POSTN: variants seen among roughly 807,000 people sequenced by gnomAD.
The protein encoded by POSTN is periostin, also known as osteoblast specific factor 2 (fasciclin I-like).
POSTN carries 71 observed loss-of-function variants against 104.5 expected under a neutral mutation model. That is an observed-to-expected ratio of 0.68 (90% CI 0.56 to 0.83). POSTN has a LOEUF of 0.83. Ranked by LOEUF, POSTN falls within the 40% of genes least tolerant of loss-of-function variation. The pLI, the probability that POSTN is intolerant of heterozygous loss-of-function variation, is 0.00. For synonymous variants in POSTN, 355 were observed against 340.7 expected (o/e 1.04, Z -0.46); for missense variants, 949 against 1,006.8 (o/e 0.94, Z 0.78).
chr13:37,574,671 G>A lies in POSTN; in HGVS notation c.2009-19C>T, dbSNP rs1220016000. Reference sequence around the variant, plus strand: ...TTAGTTGCTGAAAGTATAGAAAGTGGAACATGAAAAATATTTACATAAAAA... The same window carrying A: ...TTAGTTGCTGAAAGTATAGAAAGTGAAACATGAAAAATATTTACATAAAAA... On this transcript the variant is annotated intron_variant, in intron 16 of 22. Coordinates refer to ENST00000379747, the MANE Select transcript of POSTN (RefSeq NM_006475.3). 1.3e-6 allele frequency: 2 copies of A among 1,558,838 alleles called. No homozygotes were observed. Among genetic ancestry groups the A allele is most frequent in the Admixed American group, 2.2e-5 (1 of 46,246 alleles).
At position 37,580,549 on chromosome 13, in the gene POSTN, T is replaced by G. The variant is rs775444835; in HGVS notation, c.1529+12A>C. ...CTCTCATTCTCTGTGGAGGTGCCAC[T>G]AATAGGCTTACCTAAAGCGCTTATC... On this transcript the variant is annotated intron_variant, in intron 11 of 22. Transcript: ENST00000379747. 22 of 1,613,990 alleles carry G rather than the reference T, an allele frequency of 1.4e-5. No homozygotes were observed. In the Admixed American group the frequency reaches 3.5e-4, roughly 26 times the overall value.
intron 1 of POSTN, among the ~76,000 whole-genome samples, chr13:37,598,053 T>C (rs940012750): frequency 1.8e-4 from 27 of 152,162 alleles, no homozygotes; most frequent in African/African-American, 6.5e-4. Context: ...TTAGTTGTAG[T>C]TGCATTAGTT....
Position 37,586,259 on chromosome 13 carries a change from T to G in POSTN, c.775A>C (p.Ile259Leu). 6.2e-7 allele frequency: 1 copy of G among 1,611,380 alleles called. No individual in the cohort carries two copies. Among genetic ancestry groups the G allele is most frequent in the Non-Finnish European group, 8.5e-7 (1 of 1,179,042 alleles). The change falls in exon 7 of 23, where the codon ATA (isoleucine) becomes CTA (leucine). Residue 259 changes from isoleucine to leucine, a missense_variant. By Grantham distance (5) the Ile-to-Leu change is conservative. Coordinates refer to ENST00000379747, the MANE Select transcript of POSTN (RefSeq NM_006475.3). ...SFRAAAITSDILEALGRDGHF... is the reference protein window; with the variant it reads ...SFRAAAITSDLLEALGRDGHF... ...CCGTCTCTTCCAAGGGCCTCCAATATGTCCGATGTGATGGCAGCTGCCTGA... is the reference window on the plus strand; with the variant it reads ...CCGTCTCTTCCAAGGGCCTCCAATAGGTCCGATGTGATGGCAGCTGCCTGA...
Position 37,579,359 on chromosome 13 carries a change from C to T in POSTN, c.1661G>A (p.Arg554Gln), listed in dbSNP as rs779760407. 3.8e-6 allele frequency: 6 copies of T among 1,567,092 alleles called. No individual in the cohort carries two copies. Among genetic ancestry groups the T allele is most frequent in the Non-Finnish European group, 5.3e-6 (6 of 1,141,096 alleles). The change falls in exon 13 of 23, where the codon CGG (arginine) becomes CAG (glutamine). Residue 554 changes from arginine (R) to glutamine (Q), a missense_variant and splice_region_variant. Transcript: ENST00000379747. ...MTSEEKEILI[R>Q]DKNALQNIIL... ...GATGTTTTGAAGAGCATTTTTGTCC[C>T]CTAGGGGAAAATATATGTTTATTTT...
At chr13:37,580,921 A>G (rs1259434357) in intron 10 of POSTN, among the ~76,000 whole-genome samples, 1 of 152,106 alleles carries the variant, frequency 6.6e-6, no homozygotes, top group East Asian at 1.9e-4. Context: ...TACCTTATGG[A>G]TCAGGCAGGT....
intron 21 of POSTN, among the ~76,000 whole-genome samples, chr13:37,566,214 T>G (rs1950094485): frequency 6.6e-6 from 1 of 152,206 alleles, no homozygotes; most frequent in African/African-American, 2.4e-5. Context: ...AGATCATGTT[T>G]AGAGCAGCAA....
At chr13:37,578,273 A>G (rs890832286) in intron 15 of POSTN, among the ~76,000 whole-genome samples, 6 of 152,206 alleles carry the variant, frequency 3.9e-5, no homozygotes, top group Non-Finnish European at 8.8e-5. Context: ...TGTCCAATTT[A>G]AATACATATT....
At chr13:37,578,540 G>A (rs1276214722) in intron 15 of POSTN, among the ~76,000 whole-genome samples, 1 of 152,110 alleles carries the variant, frequency 6.6e-6, no homozygotes, top group Non-Finnish European at 1.5e-5. Flanking sequence ...GCTCACGCCT[G>A]TAATCCTGGC....
intron 4 of POSTN, among the ~76,000 whole-genome samples, chr13:37,588,698 G>A (rs576620899): frequency 1.3e-5 from 2 of 152,128 alleles, no homozygotes; most frequent in Non-Finnish European, 2.9e-5. Context: ...TAGGGTGAAT[G>A]CCAAGAGAGC....
At chr13:37,575,291 A>C (rs924534266) in intron 16 of POSTN, among the ~76,000 whole-genome samples, 3 of 148,836 alleles carry the variant, frequency 2.0e-5, no homozygotes, top group African/African-American at 7.4e-5. Flanking sequence ...TTTTTTTTTT[A>C]ATTTAAAGGT....
At chr13:37,571,190 G>T in intron 18 of POSTN, 179 bp downstream of exon 18, 1 of 503,176 alleles carries the variant, frequency 2.0e-6, no homozygotes, top group Non-Finnish European at 3.5e-6. Flanking sequence ...TCCATTAAAA[G>T]CTAACTATGT....
chr13:37,571,582 A>T (rs1490756934), intron 17 of POSTN, 124 bp from the exon 18 acceptor site: 1 of 626,230 alleles, frequency 1.6e-6, no homozygotes, highest in East Asian at 2.9e-5. Flanking sequence ...TTCAGGCTCT[A>T]TGAAATCACT....
At chr13:37,587,719 T>A (rs1950790519) in intron 5 of POSTN, 103 bp downstream of exon 5, 1 of 973,036 alleles carries the variant, frequency 1.0e-6, no homozygotes, top group Non-Finnish European at 1.5e-6. Context: ...ACTTACCTTA[T>A]TCTCACTAAC....
chr13:37,568,908 G>A (rs1369672010), intron 21 of POSTN: 3 of 154,526 alleles, frequency 1.9e-5, no homozygotes, highest in Admixed American at 1.3e-4. Flanking sequence ...TTAAAGACAT[G>A]CCTTGATTGC....
chr13:37,563,240 T>G lies in POSTN; in HGVS notation c.*93A>C, dbSNP rs1949983654. 1 of 698,830 alleles carries G rather than the reference T, an allele frequency of 1.4e-6. No homozygotes were observed. Among genetic ancestry groups the G allele is most frequent in the Admixed American group, 2.6e-5 (1 of 38,868 alleles). The allele number at this position is 698,830 out of a possible 1,614,324, so 43.3% of individuals were successfully genotyped here. On this transcript the variant is annotated 3_prime_UTR_variant, in exon 23 of 23. Transcript: ENST00000379747. ...ATGATTGCTTCTTTGTGCTGATGTT[T>G]CAGTTCCTGAAGTCAACTTGGCTCT...
At chr13:37,590,988 C>T (rs1033863885) in intron 3 of POSTN, among the ~76,000 whole-genome samples, 11 of 152,280 alleles carry the variant, frequency 7.2e-5, no homozygotes, top group Non-Finnish European at 1.3e-4. Flanking sequence ...AAGAAAGATT[C>T]ATGAATGAAT....
At chr13:37,582,790 T>C (rs1217329635) in intron 9 of POSTN, among the ~76,000 whole-genome samples, 1 of 152,230 alleles carries the variant, frequency 6.6e-6, no homozygotes, top group Non-Finnish European at 1.5e-5. Flanking sequence ...AGTTTTATAG[T>C]GGTCACTGGC....
chr13:37,596,626 A>G (rs1776818608), intron 2 of POSTN, among the ~76,000 whole-genome samples: 1 of 152,246 alleles, frequency 6.6e-6, no homozygotes, highest in Non-Finnish European at 1.5e-5. Context: ...GGGATGGAGC[A>G]TCTTGAACGG....
intron 16 of POSTN, among the ~76,000 whole-genome samples, chr13:37,576,377 G>A (rs1314526375): frequency 6.6e-6 from 1 of 152,166 alleles, no homozygotes; most frequent in African/African-American, 2.4e-5. Flanking sequence ...GAATGTAAAT[G>A]TTAGAGCTGT....
Sources: gnomAD v4.1 joint callset for allele counts (sites outside exome capture counted in the v4.1 genomes callset) on GRCh38, gnomAD v4.1.1 for gene constraint, MANE v1.5 for transcripts, NCBI Gene and HGNC (gene_info 2026-07-23, HGNC 2026-07-21) for gene names.